Variants in SEMA5A observed in about 807,000 individuals in gnomAD.
SEMA5A encodes the protein semaphorin-5A.
Under a neutral mutation model 135.5 loss-of-function variants are expected in SEMA5A, and 55 were observed. That is an observed-to-expected ratio of 0.41 (90% CI 0.33 to 0.51). The LOEUF is 0.51. Among genes scored for constraint, SEMA5A ranks in the 20% least tolerant of loss-of-function variants. The pLI is 0.37. For missense variants in SEMA5A, 1,290 were observed against 1,419.9 expected (o/e 0.91, Z 1.47); for synonymous variants, 580 against 546.5 (o/e 1.06, Z -0.85).
At chr5:9,083,880 CTCTG>C (rs1738532112) in intron 16 of SEMA5A, among the ~76,000 whole-genome samples, 1 of 152,210 alleles carries the variant, frequency 6.6e-6, no homozygotes, top group Non-Finnish European at 1.5e-5. Flanking sequence ...ATTCAGGACT[CTCTG>C]TCTGACAGAC....
rs1384976401 is a variant in SEMA5A at position 9,194,664 on chromosome 5, T to C, written c.1068+2504A>G. Among the ~76,000 whole-genome samples the C allele has an allele frequency of 2.0e-5, 3 of 152,190 alleles. No homozygotes were observed. The East Asian group carries it at 5.8e-4, about 29-fold the overall frequency. On this transcript the variant is annotated intron_variant, in intron 10 of 22. Coordinates refer to ENST00000382496, the MANE Select transcript of SEMA5A (RefSeq NM_003966.3). ...CTTGTACTAGGAGTTATACAAAGAA[T>C]CACCATAATCTGTAACTTGAGCTCC...
intron 5 of SEMA5A, among the ~76,000 whole-genome samples, chr5:9,243,296 C>A (rs1748306091): frequency 6.6e-6 from 1 of 152,302 alleles, no homozygotes; most frequent in South Asian, 2.1e-4. Context: ...ATCACTGGAA[C>A]CTCTGCCTCA....
chr5:9,273,383 A>G (rs1029749858), intron 5 of SEMA5A, among the ~76,000 whole-genome samples: 2 of 152,124 alleles, frequency 1.3e-5, no homozygotes, highest in African/African-American at 4.8e-5. Context: ...TTAAAGTGAC[A>G]AGGAGAATGA....
intron 16 of SEMA5A, among the ~76,000 whole-genome samples, chr5:9,089,499 T>A (rs562928297): frequency 6.6e-6 from 1 of 151,752 alleles, no homozygotes; most frequent in East Asian, 1.9e-4. Context: ...AATGGGTGAA[T>A]ATCGCAGTAC....
chr5:9,052,432 C>T (rs1736636027), intron 19 of SEMA5A, among the ~76,000 whole-genome samples: 1 of 152,168 alleles, frequency 6.6e-6, no homozygotes, highest in Non-Finnish European at 1.5e-5. Context: ...AACTCAAATG[C>T]TTTCCTGAAA....
At chr5:9,055,773 T>G (rs180687357) in intron 18 of SEMA5A, among the ~76,000 whole-genome samples, 109 of 152,300 alleles carry the variant, frequency 7.2e-4, no homozygotes, top group Middle Eastern at 3.4e-3. Context: ...TCCCTAAAAG[T>G]TATACGGTAT....
chr5:9,305,728 T>TATATGTATATATA (rs1287444762), intron 5 of SEMA5A, among the ~76,000 whole-genome samples: 1 of 95,000 alleles, frequency 1.1e-5, no homozygotes, highest in East Asian at 2.7e-4. Flanking sequence ...ATATATATAT[T>TATATGTATATATA]TACACGCACA....
At chr5:9,234,540 T>C (rs1002513648) in intron 6 of SEMA5A, among the ~76,000 whole-genome samples, 1 of 152,236 alleles carries the variant, frequency 6.6e-6, no homozygotes, top group Non-Finnish European at 1.5e-5. Context: ...ACAGCTCTGC[T>C]ACATAAACTG....
At chr5:9,428,986 A>G (rs576307135) in intron 2 of SEMA5A, among the ~76,000 whole-genome samples, 35 of 152,258 alleles carry the variant, frequency 2.3e-4, no homozygotes, top group Admixed American at 4.6e-4. Context: ...AGGAAGGACT[A>G]TATGTATTTA....
chr5:9,201,530 C>G (rs2150366967), intron 9 of SEMA5A, among the ~76,000 whole-genome samples: 1 of 152,264 alleles, frequency 6.6e-6, no homozygotes, highest in Middle Eastern at 3.4e-3. Flanking sequence ...AAGGTTTAAG[C>G]AAGAGCCATG....
chr5:9,298,900 T>A (rs1019706073), intron 5 of SEMA5A, among the ~76,000 whole-genome samples: 1 of 152,204 alleles, frequency 6.6e-6, no homozygotes, highest in Admixed American at 6.5e-5. Context: ...AGTAATGAAC[T>A]CTCACAGCCT....
rs750122183 is a variant in SEMA5A, at chr5:9,190,445, G to T, written c.1095C>A (p.Tyr365Ter). The T allele has an allele frequency of 1.2e-6, 2 of 1,613,644 alleles. No individual in the cohort carries two copies. The highest frequency in any genetic ancestry group is 1.7e-6 in the Non-Finnish European group (2 of 1,180,010). Residue 365 changes from tyrosine (Y) to a stop codon, truncating the protein, a stop_gained, in exon 11 of 23, where the codon TAC (tyrosine) becomes TAA (stop). Transcript: ENST00000382496. LOFTEE classifies it high-confidence loss of function. ...GCAGATTTCTCTCGGTCAGGTTCAC[G>T]TACAGGCCCTGGTCCACGGTGCCAC... ...FQCGTVDQGL[Y>*]VNLTERNLQD...
At chr5:9,513,185 A>T (rs941850192) in intron 1 of SEMA5A, among the ~76,000 whole-genome samples, 1 of 150,356 alleles carries the variant, frequency 6.7e-6, no homozygotes, top group Non-Finnish European at 1.5e-5. Flanking sequence ...ATGTTTTTTT[A>T]AAAAGAATCA....
At chr5:9,316,225 A>G (rs746920757) in intron 5 of SEMA5A, among the ~76,000 whole-genome samples, 2 of 152,092 alleles carry the variant, frequency 1.3e-5, no homozygotes, top group Non-Finnish European at 2.9e-5. Context: ...CACCCTCATC[A>G]TTCTTTAAAT....
intron 5 of SEMA5A, among the ~76,000 whole-genome samples, chr5:9,262,959 AAAT>A (rs1171632684): frequency 1.2e-4 from 18 of 149,284 alleles, no homozygotes; most frequent in African/African-American, 4.2e-4. Context: ...ATTTTCGAAA[AAAT>A]AAAAATAAAA....
chr5:9,077,303 A>G (rs1201581504), intron 16 of SEMA5A, among the ~76,000 whole-genome samples: 1 of 152,170 alleles, frequency 6.6e-6, no homozygotes, highest in Non-Finnish European at 1.5e-5. Context: ...ATAGAAGGGG[A>G]AAAGAATCGA....
chr5:9,313,791 A>C (rs1366812008), intron 5 of SEMA5A, among the ~76,000 whole-genome samples: 2 of 152,150 alleles, frequency 1.3e-5, no homozygotes. Context: ...GAAGAAGATA[A>C]ATAGGGTGAA....
chr5:9,266,949 T>A (rs550213057), intron 5 of SEMA5A, among the ~76,000 whole-genome samples: 2 of 152,258 alleles, frequency 1.3e-5, no homozygotes, highest in South Asian at 4.1e-4. Flanking sequence ...AGATTTTAAG[T>A]ATGCACCTAA....
At chr5:9,168,145 G>T (rs1426927548) in intron 11 of SEMA5A, among the ~76,000 whole-genome samples, 1 of 152,022 alleles carries the variant, frequency 6.6e-6, no homozygotes, top group African/African-American at 2.4e-5. Context: ...GAAAAGGAAG[G>T]TGTGACAGGA....
Sources: gnomAD v4.1 joint callset for allele counts (sites outside exome capture counted in the v4.1 genomes callset) on GRCh38, gnomAD v4.1.1 for gene constraint, MANE v1.5 for transcripts, NCBI Gene and HGNC (gene_info 2026-07-23, HGNC 2026-07-21) for gene names.